Variants in GFM1 observed in about 807,000 individuals in gnomAD.
GFM1 encodes the protein elongation factor G, mitochondrial.
Under a neutral mutation model 96.2 loss-of-function variants are expected in GFM1, and 62 were observed. The observed-to-expected ratio is 0.64, with a 90% CI of 0.53 to 0.80. The LOEUF (loss-of-function observed/expected upper bound fraction) is 0.80, where lower values mean the gene tolerates loss of function less well. Among genes scored for constraint, GFM1 ranks in the 30% least tolerant of loss-of-function variants. GFM1 has a pLI of 0.00. For missense variants in GFM1, 852 were observed against 916.6 expected, an observed-to-expected ratio of 0.93 and a Z score of 0.91; for synonymous variants, 282 against 312.9, an observed-to-expected ratio of 0.90 and a Z score of 1.04.
rs756324887 is a variant in GFM1 at position 158,644,647 on chromosome 3, G to C, written c.13G>C (p.Gly5Arg). The C allele has an allele frequency of 1.3e-6, 2 of 1,573,320 alleles. No individual in the cohort carries two copies. ...CTCTGCGCTTGCCATGAGACTCCTG[G>C]GAGCTGCAGCCGTCGCGGCTCTGGG... MRLL[G>R]AAAVAALGRG... The change falls in exon 1 of 18, where the codon GGA becomes CGA. Residue 5 changes from glycine (G) to arginine (R), a missense_variant. Gly to Arg is a moderately radical substitution (Grantham distance 125). Coordinates refer to ENST00000486715, the MANE Select transcript of GFM1 (RefSeq NM_024996.7).
At chr3:158,645,802 C>G (rs781453457) in intron 2 of GFM1, 21 bp downstream of exon 2, 1 of 1,590,468 alleles carries the variant, frequency 6.3e-7, no homozygotes, top group Non-Finnish European at 8.6e-7. Context: ...ACGGTTGATT[C>G]CGGATTAATT....
At chr3:158,689,934 A>AT (rs1387297905) in intron 15 of GFM1, among the ~76,000 whole-genome samples, 3 of 152,142 alleles carry the variant, frequency 2.0e-5, no homozygotes, top group South Asian at 4.1e-4. Context: ...AGTTTTAAGG[A>AT]TAAAAATATG....
intron 1 of GFM1, 112 bp from the exon 2 acceptor site, chr3:158,645,517 C>T (rs1576720095): frequency 1.1e-6 from 1 of 919,346 alleles, no homozygotes; most frequent in Admixed American, 1.9e-5. Context: ...CTCAAGCTAT[C>T]TCATATCCAG....
intron 4 of GFM1, among the ~76,000 whole-genome samples, chr3:158,647,513 C>T (rs142231236): frequency 3.3e-5 from 5 of 152,174 alleles, no homozygotes; most frequent in Non-Finnish European, 5.9e-5. Flanking sequence ...TTTCACTTTT[C>T]ACCTTTTGTA....
chr3:158,644,790 TGACACCCC>T, intron 1 of GFM1, 75 bp downstream of exon 1: 1 of 1,276,064 alleles, frequency 7.8e-7, no homozygotes, highest in Non-Finnish European at 1.1e-6. Context: ...TGGAAGGCCG[TGACACCCC>T]CTGGGTCCTC....
chr3:158,650,173 T>C lies in GFM1; in HGVS notation c.689+1016T>C, dbSNP rs878986319. ...GTGGATAAGGTGTTTCTCTCACTTT[T>C]TATGTAACAACTGAGTAATGACAAC... On this transcript the variant is annotated intron_variant, in intron 5 of 17. Transcript: ENST00000486715. The C allele has an allele frequency of 3.4e-6, 3 of 881,782 alleles. No individual in the cohort carries two copies. In the South Asian group the frequency reaches 4.3e-5, roughly 13 times the overall value. 54.6% of individuals were successfully genotyped at this position (881,782 alleles called of 1,614,324 possible).
At chr3:158,674,234 C>T (rs1724671989) in intron 13 of GFM1, among the ~76,000 whole-genome samples, 1 of 151,966 alleles carries the variant, frequency 6.6e-6, no homozygotes, top group South Asian at 2.1e-4. Context: ...GTGCACTTCA[C>T]CACACCTGGC....
chr3:158,687,029 T>G (rs9819575), intron 15 of GFM1, among the ~76,000 whole-genome samples: 63,020 of 151,418 alleles, frequency 0.42, 14,236 homozygotes, highest in African/African-American at 0.6. Flanking sequence ...TTGAGACAGG[T>G]TCTTGCTCTG....
intron 9 of GFM1, chr3:158,660,558 T>A (rs1472273358): frequency 2.9e-6 from 1 of 347,190 alleles, no homozygotes; most frequent in Non-Finnish European, 5.5e-6. Flanking sequence ...AGTACATGCC[T>A]TTTAATTCCA....
intron 4 of GFM1, 100 bp from the exon 5 acceptor site, chr3:158,648,941 C>T (rs1247640832): frequency 1.8e-5 from 13 of 731,262 alleles, no homozygotes; most frequent in Non-Finnish European, 3.1e-5. Context: ...CTTCTCAGTT[C>T]TCCAGTGTCT....
chr3:158,685,844 G>GT (rs1725792347), intron 15 of GFM1, among the ~76,000 whole-genome samples: 1 of 152,092 alleles, frequency 6.6e-6, no homozygotes, highest in South Asian at 2.1e-4. Flanking sequence ...ACCTCTGTGT[G>GT]TTTACCACTT....
Position 158,653,414 on chromosome 3 carries a change from A to G in GFM1, c.945A>G (p.Glu315=), listed in dbSNP as rs755560938. ...GVQPLLDAVL[E]YLPNPSEVQN... Reference sequence around the variant, plus strand: ...AGCCTCTTTTAGATGCTGTTTTAGAATACCTCCCAAATCCATCTGAAGTCC... The same window carrying G: ...AGCCTCTTTTAGATGCTGTTTTAGAGTACCTCCCAAATCCATCTGAAGTCC... The change falls in exon 7 of 18, where the codon GAA becomes GAG. Residue 315 remains glutamate, a synonymous_variant. Transcript: ENST00000486715. 1.2e-6 allele frequency: 2 copies of G among 1,613,346 alleles called. No homozygotes were observed. Among genetic ancestry groups the G allele is most frequent in the South Asian group, 1.1e-5 (1 of 91,064 alleles).
chr3:158,659,593 TG>T (rs1723029502), intron 9 of GFM1, among the ~76,000 whole-genome samples: 1 of 152,182 alleles, frequency 6.6e-6, no homozygotes. Flanking sequence ...AGGGCTGATC[TG>T]GGAGATAAAC....
rs116781201 is a variant in GFM1 at position 158,659,262 on chromosome 3, G to A, written c.1221+203G>A. 3.0e-3 allele frequency among the ~76,000 whole-genome samples: 449 copies of A among 151,962 alleles called. 3 individuals are homozygous for A. The highest frequency in any genetic ancestry group is 0.01 in the African/African-American group (423 of 41,450). On this transcript the variant is annotated intron_variant, in intron 9 of 17. Coordinates refer to ENST00000486715, the MANE Select transcript of GFM1 (RefSeq NM_024996.7). ...TTGTTAACTCATTTTTTTTAATACC[G>A]CTAGTTGTGAATTAGCTATATTTTC...
chr3:158,678,780 A>G (rs1289151671), intron 13 of GFM1, among the ~76,000 whole-genome samples: 1 of 152,254 alleles, frequency 6.6e-6, no homozygotes, highest in African/African-American at 2.4e-5. Flanking sequence ...AAGTTCTACT[A>G]TGGATATAAT....
Position 158,646,760 on chromosome 3 carries a change from A to G in GFM1, c.385A>G (p.Ile129Val), listed in dbSNP as rs1721840407. The G allele has an allele frequency of 3.7e-6, 6 of 1,613,784 alleles. No individual in the cohort carries two copies. The highest frequency in any genetic ancestry group is 2.2e-5 in the South Asian group (2 of 90,998). ...TTATTCAGGGCATGTGGACTTCACAATAGAAGTGGAAAGGGCCCTGAGAGT... is the reference window on the plus strand; with the variant it reads ...TTATTCAGGGCATGTGGACTTCACAGTAGAAGTGGAAAGGGCCCTGAGAGT... ...IDTPGHVDFT[I>V]EVERALRVLD... The change falls in exon 4 of 18, where the codon ATA (isoleucine) becomes GTA (valine). Residue 129 changes from isoleucine (I) to valine (V), a missense_variant. By Grantham distance (29) the Ile-to-Val change is conservative. Transcript: ENST00000486715.
At chr3:158,669,077 A>G in intron 13 of GFM1, 1 of 1,613,760 alleles carries the variant, frequency 6.2e-7, no homozygotes, top group Non-Finnish European at 8.5e-7. Context: ...AACCACAGGC[A>G]ACCCAGGCTA....
intron 3 of GFM1, 133 bp downstream of exon 3, chr3:158,646,430 C>T: frequency 1.0e-6 from 1 of 987,980 alleles, no homozygotes; most frequent in Non-Finnish European, 1.6e-6. Flanking sequence ...TTAAAGAAGA[C>T]TAACTTAGGA....
chr3:158,652,157 C>G lies in GFM1; in HGVS notation c.751C>G (p.Gln251Glu). Reference protein sequence around the residue: ...ELRAAATDHRQELIECVANSD... With the variant: ...ELRAAATDHREELIECVANSD... ...AAGGGCGGCGGCCACTGACCACCGG[C>G]AGGAGCTAATTGAATGTGTTGCCAA... Residue 251 changes from glutamine to glutamate, a missense_variant, in exon 6 of 18, where the codon CAG becomes GAG. Coordinates refer to ENST00000486715, the MANE Select transcript of GFM1 (RefSeq NM_024996.7). The G allele has an allele frequency of 6.2e-7, 1 of 1,613,866 alleles. No homozygotes were observed. Among genetic ancestry groups the G allele is most frequent in the Non-Finnish European group, 8.5e-7 (1 of 1,179,766 alleles).
Sources: gnomAD v4.1 joint callset for allele counts (sites outside exome capture counted in the v4.1 genomes callset) on GRCh38, gnomAD v4.1.1 for gene constraint, MANE v1.5 for transcripts, NCBI Gene and HGNC (gene_info 2026-07-23, HGNC 2026-07-21) for gene names.